The following GAS7 variants were observed in gnomAD, a reference collection of about 807,000 sequenced individuals.
GAS7 encodes growth arrest-specific protein 7.
GAS7 carries 28 observed loss-of-function variants against 71.1 expected under a neutral mutation model. The ratio of observed to expected loss-of-function variants is 0.39; its 90% CI spans 0.29 to 0.54. The LOEUF (loss-of-function observed/expected upper bound fraction) is 0.54, where lower values mean the gene tolerates loss of function less well. Among genes scored for constraint, GAS7 ranks in the 20% least tolerant of loss-of-function variants. The probability of loss-of-function intolerance (pLI) is 0.62; values close to 1 mark genes in which losing one functional copy is unlikely to be tolerated. For missense variants in GAS7, 436 were observed against 627.8 expected (o/e 0.69, Z 3.27); for synonymous variants, 258 against 245.8 (o/e 1.05, Z -0.46).
intron 1 of GAS7, among the ~76,000 whole-genome samples, chr17:10,021,571 G>C (rs1255411648): frequency 6.6e-6 from 1 of 152,190 alleles, no homozygotes; most frequent in African/African-American, 2.4e-5. Context: ...TCCTACACCT[G>C]CTAACCTGCA....
intron 1 of GAS7, among the ~76,000 whole-genome samples, chr17:10,139,521 C>G (rs1267900436): frequency 2.0e-5 from 3 of 152,100 alleles, no homozygotes; most frequent in South Asian, 2.1e-4. Flanking sequence ...ATTATTATTC[C>G]CCACTAATGA....
intron 2 of GAS7, among the ~76,000 whole-genome samples, chr17:10,009,827 A>T (rs971296428): frequency 1.4e-4 from 22 of 152,128 alleles, no homozygotes; most frequent in Non-Finnish European, 2.8e-4. Context: ...AAAATAAAAT[A>T]AAAAAGCTTA....
At chr17:10,019,200 T>C (rs1407827610) in intron 2 of GAS7, among the ~76,000 whole-genome samples, 1 of 152,146 alleles carries the variant, frequency 6.6e-6, no homozygotes, top group Non-Finnish European at 1.5e-5. Context: ...CAGATGCACA[T>C]GGAACCTGTA....
intron 2 of GAS7, among the ~76,000 whole-genome samples, chr17:9,987,933 TG>T (rs1473708645): frequency 1.3e-5 from 2 of 152,224 alleles, no homozygotes; most frequent in African/African-American, 4.8e-5. Context: ...TACAAGCCTC[TG>T]GCCCCCAGTG....
At chr17:9,957,433 T>C (rs1428123145) in intron 5 of GAS7, among the ~76,000 whole-genome samples, 1 of 152,228 alleles carries the variant, frequency 6.6e-6, no homozygotes, top group East Asian at 1.9e-4. Context: ...GGCTGTAAGA[T>C]GGACTCCAGC....
At chr17:10,014,624 C>T (rs987762124) in intron 2 of GAS7, among the ~76,000 whole-genome samples, 7 of 152,178 alleles carry the variant, frequency 4.6e-5, no homozygotes, top group African/African-American at 1.7e-4. Flanking sequence ...CGCCCCCTCC[C>T]CCTGCAAAGA....
Position 9,946,934 on chromosome 17 carries a change from A to G in GAS7, c.575T>C (p.Leu192Pro), listed in dbSNP as rs1160849278. The part of the protein sequence containing the change: ...PHPDTMPEQQ[L>P]LKPTEWSYCD... ...GTAGCTCCACTCGGTTGGTTTCAGC[A>G]GCTGCTGTTCCGGCATCGTGTCTGG... The change falls in exon 6 of 14, where the codon CTG (leucine) becomes CCG (proline). Residue 192 changes from leucine to proline, a missense_variant. Transcript: ENST00000432992. The G allele has an allele frequency of 3.1e-6, 5 of 1,613,522 alleles. No individual in the cohort carries two copies. In the Admixed American group the frequency reaches 8.3e-5, roughly 27 times the overall value.
Position 10,133,624 on chromosome 17 carries a change from A to G in GAS7, c.183+64584T>C, listed in dbSNP as rs371061273. Among the ~76,000 whole-genome samples, 27 of 152,088 alleles carry G rather than the reference A, an allele frequency of 1.8e-4. No individual in the cohort carries two copies. In the East Asian group the frequency reaches 3.1e-3, roughly 17 times the overall value. The stretch of plus-strand genomic sequence containing the variant: ...TAATACGCTATTATTAACTATAGTC[A>G]CCATTTCCTGAACTTAATCCTCCTA... On this transcript the variant is annotated intron_variant, in intron 1 of 13. Coordinates refer to ENST00000432992, the MANE Select transcript of GAS7 (RefSeq NM_201433.2).
chr17:10,060,336 T>C (rs963924065), intron 1 of GAS7, among the ~76,000 whole-genome samples: 11 of 151,884 alleles, frequency 7.2e-5, no homozygotes, highest in Non-Finnish European at 1.6e-4. Flanking sequence ...GAGCTGGGAG[T>C]GGGAGGAGGG....
intron 1 of GAS7, among the ~76,000 whole-genome samples, chr17:10,110,995 C>T (rs552171877): frequency 1.4e-4 from 21 of 152,256 alleles, no homozygotes; most frequent in African/African-American, 4.3e-4. Context: ...AAACATTACG[C>T]GTCGATTAAA....
chr17:10,018,345 C>T (rs376616517), intron 2 of GAS7, among the ~76,000 whole-genome samples: 3 of 152,128 alleles, frequency 2.0e-5, no homozygotes, highest in East Asian at 1.9e-4. Context: ...GGGACAATAA[C>T]GGATCCAAAT....
intron 1 of GAS7, among the ~76,000 whole-genome samples, chr17:10,126,378 A>ACACACACC (rs1460141539): frequency 1.5e-4 from 23 of 150,084 alleles, no homozygotes; most frequent in Non-Finnish European, 2.4e-4. Flanking sequence ...ACACACACCC[A>ACACACACC]CACACTCACG....
chr17:10,114,979 T>C (rs907631423), intron 1 of GAS7, among the ~76,000 whole-genome samples: 2 of 152,166 alleles, frequency 1.3e-5, no homozygotes, highest in African/African-American at 4.8e-5. Context: ...CTGGGCCAGC[T>C]GCAGACCAAC....
intron 1 of GAS7, chr17:10,036,822 C>G: frequency 2.5e-6 from 2 of 806,700 alleles, no homozygotes; most frequent in Non-Finnish European, 3.2e-6. Context: ...GAGGTCACAA[C>G]AAACAATGGC....
chr17:10,111,289 C>CAT (rs2073809381), intron 1 of GAS7, among the ~76,000 whole-genome samples: 1 of 102,428 alleles, frequency 9.8e-6, no homozygotes, highest in Non-Finnish European at 1.9e-5. Context: ...AATCCCACAA[C>CAT]TTTGGGAGGC....
chr17:9,951,824 G>A (rs2069030337), intron 5 of GAS7, among the ~76,000 whole-genome samples: 1 of 150,158 alleles, frequency 6.7e-6, no homozygotes, highest in South Asian at 2.1e-4. Flanking sequence ...GAAGAGGCTT[G>A]GCCAAAACGT....
rs2073782280 is a variant in GAS7, at chr17:10,108,663, T to A, written c.184-88766A>T. On this transcript the variant is annotated intron_variant, in intron 1 of 13. Transcript: ENST00000432992. The stretch of plus-strand genomic sequence containing the variant: ...TAGACCAATGGAACAGAATAGAGAA[T>A]CCAGAAATAAATCCATGTATTTACA... Among the ~76,000 whole-genome samples, 6 of 152,044 alleles carry A rather than the reference T, an allele frequency of 3.9e-5. 1 individual carries two copies. The South Asian group carries it at 1.2e-3, about 31-fold the overall frequency.
chr17:10,079,140 A>G (rs776369511), intron 1 of GAS7, among the ~76,000 whole-genome samples: 1 of 152,192 alleles, frequency 6.6e-6, no homozygotes, highest in Non-Finnish European at 1.5e-5. Context: ...CCTTCTCTCT[A>G]AAATAACAAA....
chr17:9,975,650 T>C (rs1326055030), intron 3 of GAS7, among the ~76,000 whole-genome samples: 1 of 151,986 alleles, frequency 6.6e-6, no homozygotes, highest in African/African-American at 2.4e-5. Context: ...GCCAGATGTG[T>C]ATTGTAAGTG....
Sources: allele counts gnomAD v4.1 joint callset (sites outside exome capture counted in the v4.1 genomes callset), GRCh38; gene constraint gnomAD v4.1.1; transcripts MANE v1.5; gene names NCBI Gene and HGNC (gene_info 2026-07-23, HGNC 2026-07-21).